The following KIAA1614 variants were observed in gnomAD, a reference collection of about 807,000 sequenced individuals.
KIAA1614 encodes the protein uncharacterized protein KIAA1614.
KIAA1614 carries 76 observed loss-of-function variants against 88.7 expected under a neutral mutation model. The ratio of observed to expected loss-of-function variants is 0.86; its 90% confidence interval spans 0.71 to 1.04. KIAA1614 has a LOEUF of 1.04. Ranked by LOEUF, KIAA1614 falls within the 50% of genes least tolerant of loss-of-function variation. KIAA1614 has a pLI of 0.00. For synonymous variants in KIAA1614, 714 were observed against 675.5 expected, an observed-to-expected ratio of 1.06 and a Z score of -0.88; for missense variants, 1,553 against 1,582.5, an observed-to-expected ratio of 0.98 and a Z score of 0.32.
intron 4 of KIAA1614, among the ~76,000 whole-genome samples, chr1:180,931,752 T>C (rs1284781219): frequency 1.3e-5 from 2 of 152,244 alleles, no homozygotes; most frequent in Non-Finnish European, 2.9e-5. Flanking sequence ...ATGTGGCTCA[T>C]GGGACCTGGG....
chr1:180,935,084 C>G lies in KIAA1614; in HGVS notation c.1206-31C>G. ...GTCCATACCTCCCCAGGTTTCTGCC[C>G]TTGACCTCTCTCCTCCTGTCTCTTC... On this transcript the variant is annotated intron_variant, in intron 4 of 8. Transcript: ENST00000367588. This position sits in a 1 kb window ranked among gnomAD's most constrained non-coding sequence, Gnocchi z 6.1. The G allele has an allele frequency of 7.3e-7, 1 of 1,362,078 alleles. No homozygotes were observed. The allele number at this position is 1,362,078 out of a possible 1,614,324, so 84.4% of individuals were successfully genotyped here.
chr1:180,915,213 A>G (rs1653751630), intron 1 of KIAA1614, among the ~76,000 whole-genome samples: 2 of 152,220 alleles, frequency 1.3e-5, no homozygotes, highest in Non-Finnish European at 2.9e-5. Context: ...TGACTGGTCA[A>G]GGTCTCCCTT....
At chr1:180,915,067 A>T (rs1446649832) in intron 1 of KIAA1614, among the ~76,000 whole-genome samples, 1 of 151,716 alleles carries the variant, frequency 6.6e-6, no homozygotes, top group African/African-American at 2.4e-5. Context: ...GCCTCCCAAA[A>T]TGCTGGGATT....
chr1:180,926,235 C>T (rs12408719), intron 3 of KIAA1614, among the ~76,000 whole-genome samples: 16,192 of 152,164 alleles, frequency 0.11, 957 homozygotes, highest in African/African-American at 0.16. Context: ...GCACCCACCC[C>T]ATTTTGCCTG....
chr1:180,940,479 C>A (rs561467546), intron 6 of KIAA1614, among the ~76,000 whole-genome samples: 4 of 152,102 alleles, frequency 2.6e-5, no homozygotes, highest in African/African-American at 9.6e-5. Flanking sequence ...CCAGTCTGGG[C>A]AGCAGAGTGA....
rs1223027849 is a variant in KIAA1614, at chr1:180,936,223, T to A, written c.2314T>A (p.Ser772Thr). The A allele has an allele frequency of 6.2e-7, 1 of 1,613,762 alleles. No homozygotes were observed. The highest frequency in any genetic ancestry group is 8.5e-7 in the Non-Finnish European group (1 of 1,179,964). ...GGCCCAGGTTACAGAAAGCCACGAGTCCCTGGAAATTGTCTCTCCTTCCTC... is the reference window on the plus strand; with the variant it reads ...GGCCCAGGTTACAGAAAGCCACGAGACCCTGGAAATTGTCTCTCCTTCCTC... ...GQAQVTESHESLEIVSPSSLQ... is the reference protein window; with the variant it reads ...GQAQVTESHETLEIVSPSSLQ... Residue 772 changes from serine (S) to threonine (T), a missense_variant, in exon 5 of 9, where the codon TCC becomes ACC. Ser to Thr is a moderately conservative substitution (Grantham distance 58). Coordinates refer to ENST00000367588, the MANE Select transcript of KIAA1614 (RefSeq NM_020950.2).
In KIAA1614 at chr1:180,944,488, G is replaced by A. The variant is rs754024104; in HGVS notation, c.3259G>A (p.Gly1087Arg). 6.2e-7 allele frequency: 1 copy of A among 1,613,792 alleles called. No individual in the cohort carries two copies. The highest frequency in any genetic ancestry group is 2.2e-5 in the East Asian group (1 of 44,874). Reference sequence around the variant, plus strand: ...CCGGTCCAGCCTCTACCTGGTAGCAGGGCCAGGGGACCACAGTGCAGCTGG... The same window carrying A: ...CCGGTCCAGCCTCTACCTGGTAGCAAGGCCAGGGGACCACAGTGCAGCTGG... ...GNRSSLYLVA[G>R]PGDHSAAGRP... Residue 1087 changes from glycine to arginine, a missense_variant, in exon 8 of 9, where the codon GGG becomes AGG. Coordinates refer to ENST00000367588, the MANE Select transcript of KIAA1614 (RefSeq NM_020950.2).
At position 180,936,470 on chromosome 1, in the gene KIAA1614, C is replaced by T. The variant is rs750666154; in HGVS notation, c.2561C>T (p.Thr854Ile). Residue 854 changes from threonine to isoleucine, a missense_variant, in exon 5 of 9, where the codon ACC becomes ATC. Coordinates refer to ENST00000367588, the MANE Select transcript of KIAA1614 (RefSeq NM_020950.2). ...CCTTCAAGAAGCGCGGTTCTCAGGA[C>T]CTGTGAGCTGCCCCCATCACAGACC... ...RPPSRSAVLR[T>I]CELPPSQTQP... is the part of the protein sequence containing the mutation. 1 of 1,613,944 alleles carries T rather than the reference C, an allele frequency of 6.2e-7. No individual in the cohort carries two copies. The highest frequency in any genetic ancestry group is 2.2e-5 in the East Asian group (1 of 44,876).
intron 7 of KIAA1614, among the ~76,000 whole-genome samples, chr1:180,943,034 T>TTTTTTGTTTG (rs1553260090): frequency 7.2e-6 from 1 of 139,506 alleles, no homozygotes; most frequent in African/African-American, 3.0e-5. Context: ...TTGGGTTTTT[T>TTTTTTGTTTG]TTTTTTTTTT....
At position 180,945,433 on chromosome 1, in the gene KIAA1614, C is replaced by T; in HGVS notation, c.3418C>T (p.Pro1140Ser). The T allele has an allele frequency of 1.2e-6, 2 of 1,611,568 alleles. No individual in the cohort carries two copies. The highest frequency in any genetic ancestry group is 1.7e-6 in the Non-Finnish European group (2 of 1,179,338). Residue 1140 changes from proline (P) to serine (S), a missense_variant, in exon 9 of 9, where the codon CCA (proline) becomes TCA (serine). Physicochemically the swap from Pro to Ser is moderately conservative, Grantham distance 74. Coordinates refer to ENST00000367588, the MANE Select transcript of KIAA1614 (RefSeq NM_020950.2). Reference protein sequence around the residue: ...GTSQLQLQRSPGGTFGFCVAS... With the variant: ...GTSQLQLQRSSGGTFGFCVAS... ...CAGCCAGCTGCAGCTGCAGCGCTCCCCAGGGGGCACTTTCGGCTTCTGCGT... is the reference window on the plus strand; with the variant it reads ...CAGCCAGCTGCAGCTGCAGCGCTCCTCAGGGGGCACTTTCGGCTTCTGCGT...
Position 180,935,308 on chromosome 1 carries a change from C to A in KIAA1614, c.1399C>A (p.Arg467=). 6.7e-7 allele frequency: 1 copy of A among 1,485,968 alleles called. No individual in the cohort carries two copies. Among genetic ancestry groups the A allele is most frequent in the Non-Finnish European group, 8.9e-7 (1 of 1,121,232 alleles). The allele number at this position is 1,485,968 out of a possible 1,614,324, so 92.0% of individuals were successfully genotyped here. A position where few individuals can be genotyped will look rare whatever the true frequency, so the allele number is the denominator to read the frequency against. The change falls in exon 5 of 9, where the codon CGG becomes AGG. Residue 467 remains arginine (R), a synonymous_variant. Transcript: ENST00000367588. This position sits in a 1 kb window ranked among gnomAD's most constrained non-coding sequence, Gnocchi z 6.1. ...AREAEFRHLE[R]LQQRQRQVLS... is the part of the protein sequence containing the mutation. ...CGAAGCCGAGTTCCGTCACCTGGAGCGGCTGCAGCAGCGCCAGCGCCAGGT... is the reference window on the plus strand; with the variant it reads ...CGAAGCCGAGTTCCGTCACCTGGAGAGGCTGCAGCAGCGCCAGCGCCAGGT...
At chr1:180,941,006 G>GCCCC in intron 6 of KIAA1614, 39 bp from the exon 7 acceptor site, 7 of 908,444 alleles carry the variant, frequency 7.7e-6, no homozygotes, top group East Asian at 3.2e-5. Flanking sequence ...CACCCTCCCG[G>GCCCC]CCCTCCCCCG....
At chr1:180,939,109 C>G (rs1654396943) in intron 6 of KIAA1614, among the ~76,000 whole-genome samples, 1 of 135,660 alleles carries the variant, frequency 7.4e-6, no homozygotes, top group Non-Finnish European at 1.7e-5. Context: ...TCAGGCAGAG[C>G]TGGGGGGAGA....
chr1:180,936,721 C>T (rs1390611718), intron 5 of KIAA1614, 51 bp downstream of exon 5: 2 of 1,267,288 alleles, frequency 1.6e-6, no homozygotes, highest in Admixed American at 5.6e-5. Flanking sequence ...TGTGGTTCTA[C>T]AGCAGACGCC....
chr1:180,928,428 AG>A lies in KIAA1614; in HGVS notation c.1062del, dbSNP rs1222961257. 3.7e-6 allele frequency: 6 copies of A among 1,610,270 alleles called. No individual in the cohort carries two copies. The highest frequency in any genetic ancestry group is 5.1e-6 in the Non-Finnish European group (6 of 1,178,084). ...CACCCTGGCCTGTGTGCCACGCTGC[AG>A]GACCGTTGGTCCCAACCCGGAGCCT... is the stretch of plus-strand genomic sequence containing the variant. On this transcript the variant is annotated splice_acceptor_variant, in intron 3 of 8. Coordinates refer to ENST00000367588, the MANE Select transcript of KIAA1614 (RefSeq NM_020950.2). LOFTEE classifies it high-confidence loss of function.
intron 6 of KIAA1614, among the ~76,000 whole-genome samples, chr1:180,940,098 G>A (rs1022835680): frequency 6.6e-6 from 1 of 152,220 alleles, no homozygotes; most frequent in Non-Finnish European, 1.5e-5. Flanking sequence ...GGTCTCCTTG[G>A]TTTTCATGGT....
chr1:180,914,540 CTTTCTTTTCT>C lies in KIAA1614; in HGVS notation c.50+1261_50+1270del, dbSNP rs139123961. ...TGTAGAAGTATATAATAAAGCCATTCTTTCTTTTCTTTTCTTTTCTTTTTTTTGAGACAGA... is the reference window on the plus strand; with the variant it reads ...TGTAGAAGTATATAATAAAGCCATTCTTTCTTTTCTTTTTTTTGAGACAGA... On this transcript the variant is annotated intron_variant, in intron 1 of 8. Transcript: ENST00000367588. Among the ~76,000 whole-genome samples, 4 of 152,020 alleles carry C rather than the reference CTTTCTTTTCT, an allele frequency of 2.6e-5. No individual in the cohort carries two copies. The East Asian group carries it at 7.7e-4, about 29-fold the overall frequency.
In KIAA1614 at chr1:180,950,520, C is replaced by T; in HGVS notation, c.*4932C>T. The T allele has an allele frequency of 8.9e-7, 1 of 1,123,238 alleles. No individual in the cohort carries two copies. The highest frequency in any genetic ancestry group is 1.1e-6 in the Non-Finnish European group (1 of 905,292). The allele number at this position is 1,123,238 out of a possible 1,614,324, so 69.6% of individuals were successfully genotyped here. On this transcript the variant is annotated 3_prime_UTR_variant, in exon 9 of 9. Transcript: ENST00000367588. ...TCAATCCGTGTCCTGAGGCAGAGAC[C>T]TGTCCCACGGTGACCCAGAAGTGCC... is the stretch of plus-strand genomic sequence containing the variant.
In KIAA1614 at chr1:180,935,547, G is replaced by C; in HGVS notation, c.1638G>C (p.Pro546=). 2 of 1,587,420 alleles carry C rather than the reference G, an allele frequency of 1.3e-6. No homozygotes were observed. The highest frequency in any genetic ancestry group is 2.3e-5 in the South Asian group (2 of 88,468). The change falls in exon 5 of 9, where the codon CCG becomes CCC. Residue 546 remains proline (P), a synonymous_variant. Transcript: ENST00000367588. This position sits in a 1 kb window ranked among gnomAD's most constrained non-coding sequence, Gnocchi z 6.1. The part of the protein sequence containing the change: ...CQACGSCIDD[P]RPAQGKAPPV... ...CCTGCGGCAGCTGCATCGACGACCC[G>C]CGCCCCGCCCAGGGGAAGGCGCCCC...
Sources: allele counts gnomAD v4.1 joint callset (sites outside exome capture counted in the v4.1 genomes callset), GRCh38; gene constraint gnomAD v4.1.1; non-coding constraint Gnocchi (gnomAD v3.1); transcripts MANE v1.5; gene names NCBI Gene and HGNC (gene_info 2026-07-23, HGNC 2026-07-21).